RAB15: variants seen among roughly 807,000 people sequenced by gnomAD.
RAB15 encodes RAB15, member RAS oncogene family, also known as ras-related protein Rab-15.
RAB15 carries 13 observed loss-of-function variants against 31.8 expected under a neutral mutation model. The ratio of observed to expected loss-of-function variants is 0.41; its 90% confidence interval spans 0.27 to 0.65. The LOEUF (loss-of-function observed/expected upper bound fraction) is 0.65. Ranked by LOEUF, RAB15 falls within the 30% of genes least tolerant of loss-of-function variation. RAB15 has a pLI of 0.32. For synonymous variants in RAB15, 100 were observed against 105.6 expected, an observed-to-expected ratio of 0.95 and a Z score of 0.33; for missense variants, 220 against 277.3, an observed-to-expected ratio of 0.79 and a Z score of 1.47.
chr14:64,968,184 C>CAG lies in RAB15; in HGVS notation c.124+3767_124+3768dup, dbSNP rs772363420. On this transcript the variant is annotated intron_variant, in intron 1 of 6. Coordinates refer to ENST00000533601, the MANE Select transcript of RAB15 (RefSeq NM_001308154.2). The surrounding 1 kb of genome is among the most constrained non-coding windows in gnomAD (Gnocchi z 4.9). ...ATCAAGGCACTTATAATTTGGGAGA[C>CAG]AGAGAGAGAAACAGAAGAATCTTCT... is the stretch of plus-strand genomic sequence containing the variant. 3.4e-4 allele frequency among the ~76,000 whole-genome samples: 52 copies of CAG among 152,200 alleles called. No individual in the cohort carries two copies. The highest frequency in any genetic ancestry group is 6.6e-4 in the Non-Finnish European group (45 of 68,036).
chr14:64,971,534 C>A lies in RAB15; in HGVS notation c.124+419G>T, dbSNP rs1284720258. 6.6e-6 allele frequency among the ~76,000 whole-genome samples: 1 copy of A among 151,930 alleles called. No homozygotes were observed. Among genetic ancestry groups the A allele is most frequent in the Non-Finnish European group, 1.5e-5 (1 of 67,944 alleles). On this transcript the variant is annotated intron_variant, in intron 1 of 6. Coordinates refer to ENST00000533601, the MANE Select transcript of RAB15 (RefSeq NM_001308154.2). This position sits in a 1 kb window ranked among gnomAD's most constrained non-coding sequence, Gnocchi z 4.1. ...GCTCCACCTTGGGTCACCACAGAAC[C>A]AAGGGCGCCTCAGTGACTCCGGTCT...
Position 64,951,647 on chromosome 14 carries a change from C to T in RAB15, c.202G>A (p.Glu68Lys), listed in dbSNP as rs778442280. 6.2e-7 allele frequency: 1 copy of T among 1,614,220 alleles called. No individual in the cohort carries two copies. The highest frequency in any genetic ancestry group is 1.1e-5 in the South Asian group (1 of 91,092). The stretch of plus-strand genomic sequence containing the variant: ...TGCTTTGTGATGGTCTGGTATCTCT[C>T]CTGCCCTGCAGTGTCCCTGCAGGAG... ...RIQIWDTAGQ[E>K]RYQTITKQYY... is the part of the protein sequence containing the mutation. The change falls in exon 3 of 7, where the codon GAG (glutamate) becomes AAG (lysine). Residue 68 changes from glutamate (E) to lysine (K), a missense_variant. By Grantham distance (56) the Glu-to-Lys change is moderately conservative. Coordinates refer to ENST00000533601, the MANE Select transcript of RAB15 (RefSeq NM_001308154.2). The surrounding 1 kb of genome is among the most constrained non-coding windows in gnomAD (Gnocchi z 7.2).
chr14:64,948,966 A>G lies in RAB15; in HGVS notation c.415-233T>C, dbSNP rs145512229. Among the ~76,000 whole-genome samples, 9 of 152,320 alleles carry G rather than the reference A, an allele frequency of 5.9e-5. No homozygotes were observed. In the East Asian group the frequency reaches 1.7e-3, roughly 29 times the overall value. On this transcript the variant is annotated intron_variant, in intron 5 of 6. Transcript: ENST00000533601. This position sits in a 1 kb window ranked among gnomAD's most constrained non-coding sequence, Gnocchi z 7.0. ...TTCCAGCTGCCACCCCACGCCTCCC[A>G]ACACACAATCATATATCAGGAGATA...
rs1023655900 is a variant in RAB15 at position 64,972,259 on chromosome 14, G to T, written c.-183C>A. The T allele has an allele frequency of 2.5e-4, 59 of 236,988 alleles. No homozygotes were observed. Among genetic ancestry groups the T allele is most frequent in the South Asian group, 1.5e-4 (1 of 6,568 alleles). The allele number at this position is 236,988 out of a possible 1,614,324, so 14.7% of individuals were successfully genotyped here. The stretch of plus-strand genomic sequence containing the variant: ...TCGCTCGCTGGGTGCCGGGAAGCGC[G>T]GCTGCGGCGGGAGCCCGGCGCGGCG... On this transcript the variant is annotated 5_prime_UTR_variant, in exon 1 of 7. Transcript: ENST00000533601. This position sits in a 1 kb window ranked among gnomAD's most constrained non-coding sequence, Gnocchi z 6.3.
rs949318810 is a variant in RAB15 at position 64,965,995 on chromosome 14, T to G, written c.124+5958A>C. 2.0e-5 allele frequency among the ~76,000 whole-genome samples: 3 copies of G among 152,170 alleles called. No individual in the cohort carries two copies. In the South Asian group the frequency reaches 6.2e-4, roughly 31 times the overall value. ...CAGAGGCCTGAGGCAGAGCGACACC[T>G]AGCAGGGGCCCAAGCCTTGAGGCAA... On this transcript the variant is annotated intron_variant, in intron 1 of 6. Transcript: ENST00000533601.
At position 64,948,290 on chromosome 14, in the gene RAB15, C is replaced by G. The variant is rs1419289356; in HGVS notation, c.*64G>C. The G allele has an allele frequency of 2.1e-6, 3 of 1,430,606 alleles. No homozygotes were observed. Among genetic ancestry groups the G allele is most frequent in the Non-Finnish European group, 2.7e-6 (3 of 1,092,200 alleles). The allele number at this position is 1,430,606 out of a possible 1,614,324, so 88.6% of individuals were successfully genotyped here. A position where few individuals can be genotyped will look rare whatever the true frequency, so the allele number is the denominator to read the frequency against. ...ACAGCAGCAGGGCAAAGCCCCGGCT[C>G]CCCTGTCTGCCCACGGGCCTCCTGA... On this transcript the variant is annotated 3_prime_UTR_variant, in exon 7 of 7. Transcript: ENST00000533601. This position sits in a 1 kb window ranked among gnomAD's most constrained non-coding sequence, Gnocchi z 7.0.
chr14:64,957,911 G>A (rs146055547), intron 1 of RAB15: 2,225 of 151,950 alleles, frequency 0.015, 30 homozygotes, highest in Middle Eastern at 0.027. Context: ...TGGCATACCC[G>A]ATGCCTTTTC....
intron 1 of RAB15, among the ~76,000 whole-genome samples, chr14:64,959,591 C>T (rs1319936297): frequency 6.6e-6 from 1 of 152,132 alleles, no homozygotes; most frequent in African/African-American, 2.4e-5. Context: ...AGGCCAAGCA[C>T]AGTGGCTCAC....
chr14:64,948,405 C>T lies in RAB15; in HGVS notation c.588G>A (p.Glu196=). The T allele has an allele frequency of 1.2e-6, 2 of 1,612,852 alleles. No homozygotes were observed. Among genetic ancestry groups the T allele is most frequent in the African/African-American group, 2.7e-5 (2 of 75,038 alleles). Residue 196 remains glutamate (E), a synonymous_variant, in exon 7 of 7, where the codon GAG becomes GAA. Transcript: ENST00000533601. This position sits in a 1 kb window ranked among gnomAD's most constrained non-coding sequence, Gnocchi z 7.0. ...NELALAELEE[E]EGKPEGPANS... ...TCGCTGGGCCCTCGGGTTTGCCCTC[C>T]TCCTCCTCCAGCTCTGCCAGTGCCA... is the stretch of plus-strand genomic sequence containing the variant.
intron 1 of RAB15, among the ~76,000 whole-genome samples, chr14:64,959,161 A>G (rs537911645): frequency 7.2e-5 from 11 of 152,342 alleles, no homozygotes; most frequent in Admixed American, 3.9e-4. Context: ...AGGATGATGA[A>G]CATGCTGACT....
In RAB15 at chr14:64,948,249, G is replaced by A; in HGVS notation, c.*105C>T. ...GTAGTGGCTACTGATACTCAATAGG[G>A]TCATCACACGAGAGGACAGCAGCAG... is the stretch of plus-strand genomic sequence containing the variant. On this transcript the variant is annotated 3_prime_UTR_variant, in exon 7 of 7. Transcript: ENST00000533601. The surrounding 1 kb of genome is among the most constrained non-coding windows in gnomAD (Gnocchi z 7.0). 1 of 1,222,210 alleles carries A rather than the reference G, an allele frequency of 8.2e-7. No individual in the cohort carries two copies. Among genetic ancestry groups the A allele is most frequent in the Non-Finnish European group, 1.1e-6 (1 of 910,636 alleles). 75.7% of individuals were successfully genotyped at this position (1,222,210 alleles called of 1,614,324 possible).
rs983150447 is a variant in RAB15 at position 64,951,279 on chromosome 14, A to C, written c.247-128T>G. On this transcript the variant is annotated intron_variant, in intron 3 of 6. Coordinates refer to ENST00000533601, the MANE Select transcript of RAB15 (RefSeq NM_001308154.2). This position sits in a 1 kb window ranked among gnomAD's most constrained non-coding sequence, Gnocchi z 7.2. ...TTCTCCCTGCTCAGCATCCAGAAAT[A>C]TCTCTTCTCTCAGACCCCACCACTG... is the stretch of plus-strand genomic sequence containing the variant. 4 of 770,088 alleles carry C rather than the reference A, an allele frequency of 5.2e-6. No homozygotes were observed. Among genetic ancestry groups the C allele is most frequent in the African/African-American group, 1.7e-5 (1 of 57,866 alleles). 47.7% of individuals were successfully genotyped at this position (770,088 alleles called of 1,614,324 possible).
rs1469913018 is a variant in RAB15, at chr14:64,971,640, G to C, written c.124+313C>G. Among the ~76,000 whole-genome samples, 1 of 151,984 alleles carries C rather than the reference G, an allele frequency of 6.6e-6. No homozygotes were observed. The highest frequency in any genetic ancestry group is 1.5e-5 in the Non-Finnish European group (1 of 67,974). On this transcript the variant is annotated intron_variant, in intron 1 of 6. Coordinates refer to ENST00000533601, the MANE Select transcript of RAB15 (RefSeq NM_001308154.2). The surrounding 1 kb of genome is among the most constrained non-coding windows in gnomAD (Gnocchi z 4.1). ...GTGGGGATGTTATTCCAGCGGCTAC[G>C]ATTCTTGCTACCCCAGCTCGGGGTA...
intron 1 of RAB15, among the ~76,000 whole-genome samples, chr14:64,959,276 G>A (rs1271263318): frequency 6.6e-6 from 1 of 152,136 alleles, no homozygotes; most frequent in Admixed American, 6.5e-5. Flanking sequence ...TTTTCTTAGT[G>A]ACACCTGAGA....
intron 1 of RAB15, among the ~76,000 whole-genome samples, chr14:64,956,160 T>C (rs1380001231): frequency 6.6e-6 from 1 of 152,044 alleles, no homozygotes; most frequent in African/African-American, 2.4e-5. Context: ...CCCAAGACCT[T>C]GGGAGGCTGA....
chr14:64,971,833 C>G lies in RAB15; in HGVS notation c.124+120G>C. Reference sequence around the variant, plus strand: ...CCCGAGATTTATCCCGGACTCCGGCCTCCGGCGCCACCGCCTCCAGCCGGA... The same window carrying G: ...CCCGAGATTTATCCCGGACTCCGGCGTCCGGCGCCACCGCCTCCAGCCGGA... On this transcript the variant is annotated intron_variant, in intron 1 of 6. Coordinates refer to ENST00000533601, the MANE Select transcript of RAB15 (RefSeq NM_001308154.2). This position sits in a 1 kb window ranked among gnomAD's most constrained non-coding sequence, Gnocchi z 4.1. 1 of 973,244 alleles carries G rather than the reference C, an allele frequency of 1.0e-6. No homozygotes were observed. The highest frequency in any genetic ancestry group is 1.5e-6 in the Non-Finnish European group (1 of 664,786). The allele number at this position is 973,244 out of a possible 1,614,324, so 60.3% of individuals were successfully genotyped here.
Position 64,950,999 on chromosome 14 carries a change from C to G in RAB15, c.324+75G>C. ...AAAGCTTCCTGGAAGCATTTGCCTT[C>G]CCATCTGGCCCTCGCCTTGCCTTCC... is the stretch of plus-strand genomic sequence containing the variant. On this transcript the variant is annotated intron_variant, in intron 4 of 6. Transcript: ENST00000533601. This position sits in a 1 kb window ranked among gnomAD's most constrained non-coding sequence, Gnocchi z 5.6. The G allele has an allele frequency of 6.2e-7, 1 of 1,614,046 alleles. No homozygotes were observed. Among genetic ancestry groups the G allele is most frequent in the Non-Finnish European group, 8.5e-7 (1 of 1,180,004 alleles).
chr14:64,970,158 C>A lies in RAB15; in HGVS notation c.124+1795G>T, dbSNP rs1408250886. Among the ~76,000 whole-genome samples, 2 of 152,206 alleles carry A rather than the reference C, an allele frequency of 1.3e-5. No individual in the cohort carries two copies. Among genetic ancestry groups the A allele is most frequent in the African/African-American group, 4.8e-5 (2 of 41,446 alleles). On this transcript the variant is annotated intron_variant, in intron 1 of 6. Transcript: ENST00000533601. This position sits in a 1 kb window ranked among gnomAD's most constrained non-coding sequence, Gnocchi z 4.1. ...CAGGCCAAAGCCAGGGCCTCCCAGG[C>A]AGCCCACAGCTCTCTGGAGATAGCT...
Position 64,962,075 on chromosome 14 carries a change from C to T in RAB15, c.125-9504G>A, listed in dbSNP as rs367578479. ...ACTAAAAATACAAAAATTAGCTGGT[C>T]GTGGTGGCAGGCTCCTGGAATCCCA... On this transcript the variant is annotated intron_variant, in intron 1 of 6. Transcript: ENST00000533601. The surrounding 1 kb of genome is among the most constrained non-coding windows in gnomAD (Gnocchi z 4.2). 9.9e-5 allele frequency among the ~76,000 whole-genome samples: 15 copies of T among 151,938 alleles called. No homozygotes were observed. Among genetic ancestry groups the T allele is most frequent in the Non-Finnish European group, 4.4e-5 (3 of 67,990 alleles).
Sources: allele counts gnomAD v4.1 joint callset (sites outside exome capture counted in the v4.1 genomes callset), GRCh38; gene constraint gnomAD v4.1.1; non-coding constraint Gnocchi (gnomAD v3.1); transcripts MANE v1.5; gene names NCBI Gene and HGNC (gene_info 2026-07-23, HGNC 2026-07-21).